ZFHX3: variants seen among roughly 807,000 people sequenced by gnomAD.
ZFHX3 encodes the protein zinc finger homeobox protein 3.
In ZFHX3, 42 loss-of-function variants were observed where a neutral mutation model predicts 279.1. That is an observed-to-expected ratio of 0.15 (90% confidence interval 0.12 to 0.19). The LOEUF (loss-of-function observed/expected upper bound fraction) is 0.19. ZFHX3 is among the 10% of genes least tolerant of loss of function. ZFHX3 has a pLI of 1.00. For missense variants in ZFHX3, 4,981 were observed against 4,754.0 expected (o/e 1.05, Z -1.40); for synonymous variants, 2,293 against 1,957.8 (o/e 1.17, Z -4.52).
intron 3 of ZFHX3, among the ~76,000 whole-genome samples, chr16:72,922,599 C>G (rs890874491): frequency 6.6e-6 from 1 of 152,176 alleles, no homozygotes; most frequent in Non-Finnish European, 1.5e-5. Flanking sequence ...CAGTACCACA[C>G]GAACCTGAGT....
chr16:72,942,002 A>C (rs1380835529), intron 3 of ZFHX3, among the ~76,000 whole-genome samples: 1 of 152,256 alleles, frequency 6.6e-6, no homozygotes, highest in African/African-American at 2.4e-5. Flanking sequence ...TGTGTAAAAC[A>C]GAATAAAGTA....
At chr16:73,769,410 T>C (rs1428933635) in intron 1 of ZFHX3, among the ~76,000 whole-genome samples, 2 of 152,192 alleles carry the variant, frequency 1.3e-5, no homozygotes, top group East Asian at 3.9e-4. Flanking sequence ...TGACATTTCA[T>C]AATAGTGTTG....
chr16:72,991,784 T>C (rs997110631), intron 1 of ZFHX3, among the ~76,000 whole-genome samples: 1 of 152,120 alleles, frequency 6.6e-6, no homozygotes, highest in Non-Finnish European at 1.5e-5. Flanking sequence ...TTTTTCAGGG[T>C]GTTTCACCCA....
chr16:73,448,685 C>CGTGTGTGTGT (rs71156167), intron 3 of ZFHX3, among the ~76,000 whole-genome samples: 1,833 of 142,108 alleles, frequency 0.013, 26 homozygotes, highest in East Asian at 0.046. Context: ...TATTTATATA[C>CGTGTGTGTGT]GTGTGTGTGT....
rs567988520 is a variant in ZFHX3 at position 73,877,657 on chromosome 16, T to C, written c.-1608+13994A>G. ...AAATAATAGAAAGAAACAGTATTGA[T>C]AAATGGAAGTCAAATATTATTACCA... On this transcript the variant is annotated intron_variant, in intron 1 of 17. Transcript: ENST00000641206. 1.7e-3 allele frequency among the ~76,000 whole-genome samples: 260 copies of C among 152,194 alleles called. 2 individuals carry two copies. Among genetic ancestry groups the C allele is most frequent in the African/African-American group, 5.8e-3 (240 of 41,536 alleles).
In ZFHX3 at chr16:72,788,638, G is replaced by T. The variant is rs780937804; in HGVS notation, c.9638C>A (p.Pro3213Gln). The T allele has an allele frequency of 6.2e-7, 1 of 1,613,340 alleles. No individual in the cohort carries two copies. The highest frequency in any genetic ancestry group is 8.5e-7 in the Non-Finnish European group (1 of 1,179,724). ...TGTGGGTGGCGGCTGGGCTGCTGGC[G>T]GCGGGGGAGGCTGCTGCACCTGTGG... The part of the protein sequence containing the change: ...QQPQVQQPPP[P>Q]PAAQPPPTPQ... The change falls in exon 10 of 10, where the codon CCG becomes CAG. Residue 3213 changes from proline (P) to glutamine (Q), a missense_variant. By Grantham distance (76) the Pro-to-Gln change is moderately conservative. Around this residue, in one of 7 missense-constraint regions of ZFHX3, gnomAD observed 1,034 missense variants for 786.0 expected, o/e 1.32. Transcript: ENST00000268489.
intron 4 of ZFHX3, among the ~76,000 whole-genome samples, chr16:73,295,129 G>A (rs1006777674): frequency 6.6e-6 from 1 of 151,234 alleles, no homozygotes; most frequent in Admixed American, 6.6e-5. Flanking sequence ...GCAGGAGAAT[G>A]GCGTGAACCC....
chr16:72,892,017 C>A (rs1453218150), intron 3 of ZFHX3, among the ~76,000 whole-genome samples: 3 of 152,234 alleles, frequency 2.0e-5, no homozygotes, highest in African/African-American at 4.8e-5. Context: ...GCACTCCACG[C>A]AATCCTGAAA....
At chr16:72,811,474 CTA>C (rs919244494) in intron 7 of ZFHX3, 101 bp downstream of exon 7, 1 of 1,245,490 alleles carries the variant, frequency 8.0e-7, no homozygotes, top group Non-Finnish European at 1.1e-6. Context: ...GTTTCCAACT[CTA>C]CACTGACTTT....
At chr16:73,354,256 T>C (rs962439666) in intron 3 of ZFHX3, among the ~76,000 whole-genome samples, 4 of 152,238 alleles carry the variant, frequency 2.6e-5, no homozygotes, top group Non-Finnish European at 5.9e-5. Context: ...TCATCTGGCA[T>C]CCCTAGACAG....
chr16:72,940,553 G>A (rs1412796962), intron 3 of ZFHX3, among the ~76,000 whole-genome samples: 1 of 152,148 alleles, frequency 6.6e-6, no homozygotes. Flanking sequence ...ACTCCACAGA[G>A]GTCAGCTCAG....
At chr16:73,069,120 C>T (rs1013077259) in intron 8 of ZFHX3, among the ~76,000 whole-genome samples, 8 of 152,208 alleles carry the variant, frequency 5.3e-5, no homozygotes, top group African/African-American at 1.7e-4. Flanking sequence ...CAGGCCCACA[C>T]GGAGAGGTTG....
intron 1 of ZFHX3, chr16:73,015,956 C>A (rs1964088130): frequency 6.6e-6 from 1 of 152,202 alleles, no homozygotes; most frequent in Non-Finnish European, 1.5e-5. Context: ...TTGACCCAGT[C>A]AAGGCATGGC....
chr16:73,291,779 C>A (rs1164288270), intron 4 of ZFHX3, among the ~76,000 whole-genome samples: 1 of 152,130 alleles, frequency 6.6e-6, no homozygotes, highest in Non-Finnish European at 1.5e-5. Flanking sequence ...TGAGAAGATG[C>A]TTTTGATCAT....
chr16:73,241,712 C>A (rs1306989289), intron 5 of ZFHX3, among the ~76,000 whole-genome samples: 1 of 149,424 alleles, frequency 6.7e-6, no homozygotes, highest in African/African-American at 2.5e-5. Context: ...ATCGCTTGAA[C>A]CCAGGAGGCG....
chr16:73,855,368 G>A (rs927959527), intron 1 of ZFHX3, among the ~76,000 whole-genome samples: 5 of 152,098 alleles, frequency 3.3e-5, no homozygotes, highest in Admixed American at 6.5e-5. Flanking sequence ...TCTCAAGCTG[G>A]ATTTCACATT....
intron 5 of ZFHX3, among the ~76,000 whole-genome samples, chr16:73,234,139 G>A (rs560572589): frequency 5.6e-4 from 85 of 152,226 alleles, no homozygotes; most frequent in Middle Eastern, 6.8e-3. Context: ...GAAAGGGAGC[G>A]AAGTCAGAAC....
At chr16:73,774,353 T>A (rs1455196360) in intron 1 of ZFHX3, among the ~76,000 whole-genome samples, 2 of 152,158 alleles carry the variant, frequency 1.3e-5, no homozygotes, top group African/African-American at 4.8e-5. Context: ...AAAGGGGATT[T>A]GAGCTCATCC....
intron 3 of ZFHX3, among the ~76,000 whole-genome samples, chr16:73,336,672 A>AT (rs2015918713): frequency 6.6e-6 from 1 of 151,928 alleles, no homozygotes; most frequent in Non-Finnish European, 1.5e-5. Flanking sequence ...TGTCTTTGCT[A>AT]TGTGAATAGT....
Sources: gnomAD v4.1 joint callset for allele counts (sites outside exome capture counted in the v4.1 genomes callset) on GRCh38, gnomAD v4.1.1 for gene constraint, gnomAD v4.1.1 regional missense constraint, MANE v1.5 for transcripts, NCBI Gene and HGNC (gene_info 2026-07-23, HGNC 2026-07-21) for gene names.